Variants in CCDC7 observed in about 807,000 individuals in gnomAD.
CCDC7 encodes coiled-coil domain-containing protein 7.
A neutral mutation model predicts 196.9 loss-of-function variants in CCDC7; 183 were observed. The observed-to-expected ratio is 0.93, with a 90% CI of 0.82 to 1.05. CCDC7 has a LOEUF of 1.05. CCDC7 is among the 50% of genes least tolerant of loss of function. The pLI, the probability that CCDC7 is intolerant of heterozygous loss-of-function variation, is 0.00. For synonymous variants in CCDC7, 525 were observed against 484.6 expected (o/e 1.08, Z -1.10); for missense variants, 1,540 against 1,482.2 (o/e 1.04, Z -0.64).
At chr10:32,599,087 C>A (rs375920024) in intron 18 of CCDC7, among the ~76,000 whole-genome samples, 2 of 152,128 alleles carry the variant, frequency 1.3e-5, no homozygotes, top group East Asian at 3.8e-4. Flanking sequence ...TATTTTGGGA[C>A]TCTGCTGTTT....
intron 11 of CCDC7, among the ~76,000 whole-genome samples, chr10:32,520,885 A>G (rs2047779055): frequency 6.6e-6 from 1 of 152,068 alleles, no homozygotes; most frequent in Non-Finnish European, 1.5e-5. Flanking sequence ...ATCCATTTTG[A>G]TATGATTTTT....
intron 9 of CCDC7, chr10:32,512,487 TTAGC>T (rs1326915870): frequency 6.6e-6 from 1 of 152,198 alleles, no homozygotes; most frequent in Non-Finnish European, 1.5e-5. Flanking sequence ...ATTTCAGTGA[TTAGC>T]TAGGGCATAG....
chr10:32,859,563 AAGATC>A (rs2093892417), intron 41 of CCDC7, among the ~76,000 whole-genome samples: 1 of 152,184 alleles, frequency 6.6e-6, no homozygotes, highest in South Asian at 2.1e-4. Flanking sequence ...AGAAATAACT[AAGATC>A]AGAGCAGAAC....
chr10:32,809,269 AAAT>A (rs1278438699), intron 30 of CCDC7, among the ~76,000 whole-genome samples: 6 of 152,218 alleles, frequency 3.9e-5, no homozygotes, highest in Admixed American at 3.9e-4. Context: ...ACAGAATTGA[AAAT>A]AATGATATTA....
chr10:32,643,942 A>G (rs1004625624), intron 20 of CCDC7, among the ~76,000 whole-genome samples: 3 of 151,996 alleles, frequency 2.0e-5, no homozygotes, highest in African/African-American at 2.4e-5. Flanking sequence ...TTTTACTTAA[A>G]TTTTTATAAA....
intron 9 of CCDC7, chr10:32,514,616 C>T (rs916654815): frequency 2.0e-5 from 3 of 151,940 alleles, no homozygotes; most frequent in Admixed American, 1.3e-4. Context: ...TTACTACAGC[C>T]CTAGGAAACA....
In CCDC7 at chr10:32,725,260, T is replaced by A. The variant is rs187152498; in HGVS notation, c.2570-1474T>A. 8.5e-4 allele frequency: 396 copies of A among 465,588 alleles called. 1 individual carries two copies. In the Middle Eastern group the frequency reaches 0.011, roughly 13 times the overall value. The allele number at this position is 465,588 out of a possible 1,614,324, so 28.8% of individuals were successfully genotyped here. ...CCAACTGATTTATGCAGTTGCTCTA[T>A]CCTATAATACTTTGAAACTTTTACA... On this transcript the variant is annotated intron_variant, in intron 25 of 41. Coordinates refer to ENST00000639629, the Ensembl canonical transcript of CCDC7.
intron 16 of CCDC7, among the ~76,000 whole-genome samples, chr10:32,575,432 C>T (rs1486443404): frequency 6.6e-6 from 1 of 152,146 alleles, no homozygotes; most frequent in Non-Finnish European, 1.5e-5. Flanking sequence ...GATATAATAT[C>T]CCCTGAGCTG....
chr10:32,557,072 A>G (rs913536471), intron 13 of CCDC7, among the ~76,000 whole-genome samples: 2 of 152,128 alleles, frequency 1.3e-5, no homozygotes, highest in Non-Finnish European at 2.9e-5. Flanking sequence ...TGTTCTCTCA[A>G]ATTTCAATGA....
chr10:32,729,326 A>G lies in CCDC7; in HGVS notation c.2780-6A>G. On this transcript the variant is annotated splice_polypyrimidine_tract_variant and splice_region_variant and intron_variant, in intron 27 of 41. Transcript: ENST00000639629. ...TTCTATTGCACATCTATTTTTTTCT[A>G]TTTAGCGTTTCCTTTAGAAATCAAA... The G allele has an allele frequency of 6.4e-7, 1 of 1,552,496 alleles. No homozygotes were observed. The highest frequency in any genetic ancestry group is 8.7e-7 in the Non-Finnish European group (1 of 1,151,998).
intron 23 of CCDC7, among the ~76,000 whole-genome samples, chr10:32,693,336 G>T (rs1323632422): frequency 6.6e-6 from 1 of 151,972 alleles, no homozygotes; most frequent in South Asian, 2.1e-4. Flanking sequence ...CAATAACATT[G>T]TTTCTTATAT....
At chr10:32,668,001 G>T (rs919418649) in intron 21 of CCDC7, among the ~76,000 whole-genome samples, 1 of 152,160 alleles carries the variant, frequency 6.6e-6, no homozygotes, top group South Asian at 2.1e-4. Context: ...CTGCCCATGA[G>T]TATGGGATGT....
At chr10:32,838,278 C>G (rs997134019) in intron 33 of CCDC7, among the ~76,000 whole-genome samples, 1 of 151,926 alleles carries the variant, frequency 6.6e-6, no homozygotes, top group African/African-American at 2.4e-5. Flanking sequence ...CAAAGTGCTG[C>G]CAAGGTTGAT....
intron 28 of CCDC7, among the ~76,000 whole-genome samples, chr10:32,770,100 T>A (rs1565453342): frequency 6.6e-6 from 1 of 152,122 alleles, no homozygotes; most frequent in Non-Finnish European, 1.5e-5. Flanking sequence ...GTATTATTTT[T>A]AAGTCTCATT....
intron 18 of CCDC7, among the ~76,000 whole-genome samples, chr10:32,594,809 A>T (rs1470687471): frequency 1.3e-5 from 2 of 151,884 alleles, no homozygotes; most frequent in African/African-American, 4.9e-5. Context: ...TGAGATAATC[A>T]TGTGGTTTTT....
At chr10:32,810,139 G>C (rs2135307106) in intron 30 of CCDC7, among the ~76,000 whole-genome samples, 1 of 152,140 alleles carries the variant, frequency 6.6e-6, no homozygotes, top group South Asian at 2.1e-4. Context: ...AGAAACAAAG[G>C]ATAAAGAAAA....
chr10:32,566,452 GT>G (rs1388300991), intron 14 of CCDC7, among the ~76,000 whole-genome samples: 14 of 152,098 alleles, frequency 9.2e-5, no homozygotes, highest in African/African-American at 3.1e-4. Context: ...AATGTCCATT[GT>G]TAAGGAGTTT....
intron 18 of CCDC7, among the ~76,000 whole-genome samples, chr10:32,607,282 C>A (rs2061650503): frequency 1.3e-5 from 2 of 152,274 alleles, no homozygotes; most frequent in African/African-American, 2.4e-5. Context: ...AATTAAACTT[C>A]TTTTCCTTAT....
At chr10:32,643,602 T>C (rs1013780005) in intron 20 of CCDC7, among the ~76,000 whole-genome samples, 1 of 152,036 alleles carries the variant, frequency 6.6e-6, no homozygotes, top group East Asian at 1.9e-4. Flanking sequence ...TATTTCTTTA[T>C]GTTGGAATCT....
Sources: allele counts gnomAD v4.1 joint callset (sites outside exome capture counted in the v4.1 genomes callset), GRCh38; gene constraint gnomAD v4.1.1; transcripts MANE v1.5; gene names NCBI Gene and HGNC (gene_info 2026-07-23, HGNC 2026-07-21).